Variants in PDE4B observed in about 807,000 individuals in gnomAD.
The protein encoded by PDE4B is 3',5'-cyclic-AMP phosphodiesterase 4B.
Under a neutral mutation model 82.2 loss-of-function variants are expected in PDE4B, and 20 were observed. The observed-to-expected ratio is 0.24, with a 90% CI of 0.17 to 0.35. The LOEUF is 0.35. PDE4B is among the 10% of genes least tolerant of loss of function. The pLI is 1.00. For synonymous variants in PDE4B, 320 were observed against 318.9 expected, an observed-to-expected ratio of 1.00 and a Z score of -0.04; for missense variants, 655 against 907.2, an observed-to-expected ratio of 0.72 and a Z score of 3.57.
intron 3 of PDE4B, chr1:66,042,397 C>T (rs762139693): frequency 2.0e-5 from 3 of 151,664 alleles, no homozygotes; most frequent in Non-Finnish European, 4.4e-5. Context: ...TCCAATATAT[C>T]TTAATATACT....
intron 3 of PDE4B, among the ~76,000 whole-genome samples, chr1:66,218,958 A>G (rs1319811644): frequency 6.6e-6 from 1 of 152,140 alleles, no homozygotes; most frequent in Non-Finnish European, 1.5e-5. Context: ...TTCTCATCGC[A>G]TTTACTAATC....
Position 65,870,525 on chromosome 1 carries a change from A to T in PDE4B, c.-70-42720A>T, listed in dbSNP as rs35293862. On this transcript the variant is annotated intron_variant, in intron 1 of 16. Transcript: ENST00000341517. ...TTTGAGGTCTCATTGTAAAAATGAG[A>T]TAAAAACAAACAAATTAATACCTTT... is the stretch of plus-strand genomic sequence containing the variant. Among the ~76,000 whole-genome samples the T allele has an allele frequency of 2.0e-5, 3 of 152,244 alleles. No individual in the cohort carries two copies. In the South Asian group the frequency reaches 6.2e-4, roughly 32 times the overall value.
rs36027532 is a variant in PDE4B at position 66,146,173 on chromosome 1, CTTTTTT to C, written c.282-101264_282-101259del. On this transcript the variant is annotated intron_variant, in intron 3 of 16. Transcript: ENST00000341517. ...AGAAGGCCATTGCCTGGGTAGCATGCTTTTTTTTTTTTTTTTTTTTTTTTTTTTGAG... is the reference window on the plus strand; with the variant it reads ...AGAAGGCCATTGCCTGGGTAGCATGCTTTTTTTTTTTTTTTTTTTTTTGAG... Among the ~76,000 whole-genome samples, 6 of 49,238 alleles carry C rather than the reference CTTTTTT, an allele frequency of 1.2e-4. No individual in the cohort carries two copies. The South Asian group carries it at 2.5e-3, about 21-fold the overall frequency. The allele number at this position is 49,238 out of a possible 152,430, so 32.3% of individuals were successfully genotyped here.
intron 3 of PDE4B, among the ~76,000 whole-genome samples, chr1:66,022,106 CTCTG>C (rs1340567267): frequency 2.6e-5 from 4 of 151,920 alleles, no homozygotes; most frequent in East Asian, 1.9e-4. Context: ...TGATTTGGCT[CTCTG>C]TCTGTTATTG....
intron 1 of PDE4B, among the ~76,000 whole-genome samples, chr1:65,894,757 A>C (rs1646890671): frequency 6.6e-6 from 1 of 152,222 alleles, no homozygotes; most frequent in Admixed American, 6.5e-5. Context: ...AGATAAACAC[A>C]TGAAAAGATG....
intron 3 of PDE4B, among the ~76,000 whole-genome samples, chr1:66,216,155 A>G (rs1650439989): frequency 6.6e-6 from 1 of 151,606 alleles, no homozygotes; most frequent in Non-Finnish European, 1.5e-5. Flanking sequence ...GGTATTTCTG[A>G]TTGAAATACC....
Position 65,798,498 on chromosome 1 carries a change from T to C in PDE4B, c.-71+5250T>C, listed in dbSNP as rs1272269346. On this transcript the variant is annotated intron_variant, in intron 1 of 16. Coordinates refer to ENST00000341517, the MANE Select transcript of PDE4B (RefSeq NM_002600.4). ...TGGTCTCGATCTCCTGACCTCGTGA[T>C]CCACCCGCCTCGGCCTCCCAAAGTG... 3.0e-5 allele frequency among the ~76,000 whole-genome samples: 2 copies of C among 65,644 alleles called. 1 individual carries two copies. The highest frequency in any genetic ancestry group is 5.1e-5 in the Non-Finnish European group (2 of 39,520). 43.1% of individuals were successfully genotyped at this position (65,644 alleles called of 152,430 possible).
At chr1:65,893,631 G>A (rs1026725100) in intron 1 of PDE4B, among the ~76,000 whole-genome samples, 10 of 151,864 alleles carry the variant, frequency 6.6e-5, no homozygotes, top group Admixed American at 6.6e-5. Context: ...CAATCCAGCA[G>A]TCCCACTACT....
chr1:66,303,292 A>T (rs774999275), intron 7 of PDE4B, among the ~76,000 whole-genome samples: 5 of 151,962 alleles, frequency 3.3e-5, no homozygotes, highest in African/African-American at 4.8e-5. Context: ...ATAATGGACA[A>T]ATAAAAATTA....
chr1:65,931,262 A>G (rs1647816475), intron 3 of PDE4B, among the ~76,000 whole-genome samples: 1 of 152,206 alleles, frequency 6.6e-6, no homozygotes, highest in African/African-American at 2.4e-5. Flanking sequence ...CCTGCAGAAC[A>G]ATGAGCGAAT....
In PDE4B at chr1:66,057,777, G is replaced by A. The variant is rs759427034; in HGVS notation, c.281+138942G>A. ...TCCCATGATTCAGTTATTTCCCACC[G>A]GGTCCCTCCTACAACATGTGGGAAT... On this transcript the variant is annotated intron_variant, in intron 3 of 16. Transcript: ENST00000341517. Among the ~76,000 whole-genome samples, 11 of 152,126 alleles carry A rather than the reference G, an allele frequency of 7.2e-5. No homozygotes were observed. The South Asian group carries it at 1.0e-3, about 14-fold the overall frequency.
At chr1:66,130,618 T>A (rs973372833) in intron 3 of PDE4B, among the ~76,000 whole-genome samples, 1 of 152,192 alleles carries the variant, frequency 6.6e-6, no homozygotes, top group Non-Finnish European at 1.5e-5. Context: ...GATAGACACC[T>A]CACCCAGAAT....
At chr1:66,046,841 T>C (rs1455699427) in intron 3 of PDE4B, among the ~76,000 whole-genome samples, 1 of 151,834 alleles carries the variant, frequency 6.6e-6, no homozygotes, top group Non-Finnish European at 1.5e-5. Flanking sequence ...CTGAATAGAA[T>C]ATCCTCCAAT....
intron 1 of PDE4B, among the ~76,000 whole-genome samples, chr1:65,818,049 T>G (rs1645906200): frequency 6.6e-6 from 1 of 152,208 alleles, no homozygotes; most frequent in Non-Finnish European, 1.5e-5. Flanking sequence ...TTATTGATTT[T>G]GCCCTCATCA....
chr1:65,965,804 T>C (rs1359052410), intron 3 of PDE4B, among the ~76,000 whole-genome samples: 2 of 152,162 alleles, frequency 1.3e-5, no homozygotes, highest in East Asian at 3.8e-4. Context: ...AATCACGTGA[T>C]TATCTCAATA....
chr1:66,144,389 A>G (rs568406965), intron 3 of PDE4B, among the ~76,000 whole-genome samples: 1 of 152,368 alleles, frequency 6.6e-6, no homozygotes, highest in South Asian at 2.1e-4. Flanking sequence ...GTTAATCATA[A>G]ATAGTTTGGA....
chr1:66,160,527 G>C (rs1161788735), intron 3 of PDE4B, among the ~76,000 whole-genome samples: 1 of 152,128 alleles, frequency 6.6e-6, no homozygotes, highest in African/African-American at 2.4e-5. Context: ...ATAACCTTCT[G>C]CTCTGTCCAG....
intron 3 of PDE4B, among the ~76,000 whole-genome samples, chr1:65,988,431 G>C (rs985478670): frequency 2.6e-5 from 4 of 152,090 alleles, no homozygotes; most frequent in Non-Finnish European, 4.4e-5. Flanking sequence ...TACACTGCTG[G>C]AAGAGGTATG....
intron 8 of PDE4B, among the ~76,000 whole-genome samples, chr1:66,342,739 A>AC (rs1301934720): frequency 6.7e-6 from 1 of 149,494 alleles, no homozygotes; most frequent in African/African-American, 2.5e-5. Context: ...TCAAAAAAAA[A>AC]AAAACAAAAC....
Sources: allele counts gnomAD v4.1 joint callset (sites outside exome capture counted in the v4.1 genomes callset), GRCh38; gene constraint gnomAD v4.1.1; transcripts MANE v1.5; gene names NCBI Gene and HGNC (gene_info 2026-07-23, HGNC 2026-07-21).